TRAK2: variants seen among roughly 807,000 people sequenced by gnomAD.
TRAK2 encodes trafficking kinesin-binding protein 2.
TRAK2 carries 81 observed loss-of-function variants against 104.6 expected under a neutral mutation model. The ratio of observed to expected loss-of-function variants is 0.77; its 90% CI spans 0.65 to 0.93. The LOEUF is 0.93. TRAK2 is among the 40% of genes least tolerant of loss of function. The pLI is 0.00. For synonymous variants in TRAK2, 406 were observed against 394.4 expected, an observed-to-expected ratio of 1.03 and a Z score of -0.35; for missense variants, 1,002 against 1,089.0, an observed-to-expected ratio of 0.92 and a Z score of 1.12.
rs1376068659 is a variant in TRAK2, at chr2:201,447,115, T to C, written c.-200+4235A>G. On this transcript the variant is annotated intron_variant, in intron 1 of 15. Transcript: ENST00000332624. This position sits in a 1 kb window ranked among gnomAD's most constrained non-coding sequence, Gnocchi z 4.1. ...GTCTTATTACCTTTCATTTATCCTT[T>C]ACAAGTCTTAGTCTTTCTAAAATGC... Among the ~76,000 whole-genome samples, 1 of 152,250 alleles carries C rather than the reference T, an allele frequency of 6.6e-6. No homozygotes were observed. Among genetic ancestry groups the C allele is most frequent in the Admixed American group, 6.5e-5 (1 of 15,292 alleles).
At chr2:201,413,392 T>A in intron 2 of TRAK2, 1 of 579,118 alleles carries the variant, frequency 1.7e-6, no homozygotes. Flanking sequence ...CCCACCCCCC[T>A]AAACACAGGC....
intron 2 of TRAK2, among the ~76,000 whole-genome samples, chr2:201,413,800 T>C (rs1364536310): frequency 6.6e-6 from 1 of 152,164 alleles, no homozygotes; most frequent in Non-Finnish European, 1.5e-5. Flanking sequence ...TGACAACTTG[T>C]CCTAGAAAGC....
Position 201,377,879 on chromosome 2 carries a change from C to T in TRAK2, c.*2664G>A, listed in dbSNP as rs1411603025. On this transcript the variant is annotated 3_prime_UTR_variant, in exon 16 of 16. Transcript: ENST00000332624. ...TAATCACTGAAAACCTTCTTAAAGGCGAAAAAAAAAAAAGATTGAGGTTTC... is the reference window on the plus strand; with the variant it reads ...TAATCACTGAAAACCTTCTTAAAGGTGAAAAAAAAAAAAGATTGAGGTTTC... 9 of 139,878 alleles carry T rather than the reference C, an allele frequency of 6.4e-5. No homozygotes were observed. Among genetic ancestry groups the T allele is most frequent in the East Asian group, 2.0e-4 (1 of 4,986 alleles). The allele number at this position is 139,878 out of a possible 1,614,324, so 8.7% of individuals were successfully genotyped here.
At chr2:201,402,545 A>T (rs1300586134) in intron 3 of TRAK2, among the ~76,000 whole-genome samples, 1 of 152,180 alleles carries the variant, frequency 6.6e-6, no homozygotes, top group Non-Finnish European at 1.5e-5. Flanking sequence ...ATATTTACAA[A>T]TAGAGAAACT....
At chr2:201,402,049 A>T (rs1223187432) in intron 3 of TRAK2, among the ~76,000 whole-genome samples, 1 of 152,078 alleles carries the variant, frequency 6.6e-6, no homozygotes, top group Admixed American at 6.6e-5. Flanking sequence ...CCCTTCTGAG[A>T]TTCAGATAAT....
intron 2 of TRAK2, chr2:201,419,392 TAAAAAG>T (rs1218894611): frequency 6.5e-6 from 1 of 154,754 alleles, no homozygotes; most frequent in Admixed American, 6.5e-5. Context: ...AGCTTAGCAA[TAAAAAG>T]AAACAACTTC....
rs746693460 is a variant in TRAK2 at position 201,407,419 on chromosome 2, C to A, written c.270G>T (p.Glu90Asp). 6.2e-7 allele frequency: 1 copy of A among 1,613,486 alleles called. No individual in the cohort carries two copies. Among genetic ancestry groups the A allele is most frequent in the Non-Finnish European group, 8.5e-7 (1 of 1,179,756 alleles). The change falls in exon 3 of 16, where the codon GAG becomes GAT. Residue 90 changes from glutamate (E) to aspartate (D), a missense_variant. By Grantham distance (45) the Glu-to-Asp change is conservative (BLOSUM62 2). Transcript: ENST00000332624. ...SDALSPVLAE[E>D]TFRYMILGTD... ...AATACTCACTCATGTAACGGAAAGT[C>A]TCTTCAGCAAGGACTGGAGAGAGAG...
Position 201,389,376 on chromosome 2 carries a change from G to T in TRAK2, c.1321C>A (p.Pro441Thr), listed in dbSNP as rs368306993. Residue 441 changes from proline (P) to threonine (T), a missense_variant, in exon 12 of 16, where the codon CCT (proline) becomes ACT (threonine). Coordinates refer to ENST00000332624, the MANE Select transcript of TRAK2 (RefSeq NM_015049.3). ...GTTTGCTGAAGACCAGACTCAAAAG[G>T]TTTTGCTGTCATGATGACACTTGAA... The part of the protein sequence containing the change: ...NRSSVIMTAK[P>T]FESGLQQTED... The T allele has an allele frequency of 1.9e-6, 3 of 1,614,140 alleles. No homozygotes were observed. The South Asian group carries it at 3.3e-5, about 18-fold the overall frequency.
chr2:201,417,603 G>T (rs1224111832), intron 2 of TRAK2, among the ~76,000 whole-genome samples: 1 of 151,950 alleles, frequency 6.6e-6, no homozygotes, highest in Non-Finnish European at 1.5e-5. Context: ...TTTAATATAG[G>T]GTATTGTCAA....
intron 6 of TRAK2, 182 bp downstream of exon 6, chr2:201,397,961 ATC>A (rs199922947): frequency 0.63 from 380,629 of 608,964 alleles, 122,529 homozygotes; most frequent in South Asian, 0.69. Flanking sequence ...ACCTGCTACT[ATC>A]CACTTTTCAG....
Position 201,399,364 on chromosome 2 carries a change from A to G in TRAK2, c.480+13T>C. 3 of 1,569,022 alleles carry G rather than the reference A, an allele frequency of 1.9e-6. No homozygotes were observed. The highest frequency in any genetic ancestry group is 2.6e-6 in the Non-Finnish European group (3 of 1,141,998). On this transcript the variant is annotated intron_variant, in intron 5 of 15. Coordinates refer to ENST00000332624, the MANE Select transcript of TRAK2 (RefSeq NM_015049.3). ...AATTATTTCATACTGCAGACATTTG[A>G]TCAAAGGCTTACTTGATCAAAGGCT...
chr2:201,386,398 C>T lies in TRAK2; in HGVS notation c.1783G>A (p.Gly595Ser), dbSNP rs185662093. 3.1e-6 allele frequency: 5 copies of T among 1,614,162 alleles called. No homozygotes were observed. The highest frequency in any genetic ancestry group is 4.2e-6 in the Non-Finnish European group (5 of 1,180,020). ...LDPRPGVITK[G>S]FTQLPGDAIY... is the part of the protein sequence containing the mutation. Reference sequence around the variant, plus strand: ...GCATCCCCGGGCAACTGGGTAAAGCCTTTAGTAATGACACCTGGTCGTGGA... The same window carrying T: ...GCATCCCCGGGCAACTGGGTAAAGCTTTTAGTAATGACACCTGGTCGTGGA... The change falls in exon 14 of 16, where the codon GGC (glycine) becomes AGC (serine). Residue 595 changes from glycine (G) to serine (S), a missense_variant. Physicochemically the swap from Gly to Ser is moderately conservative, Grantham distance 56. Transcript: ENST00000332624.
intron 2 of TRAK2, chr2:201,412,386 A>G: frequency 1.5e-6 from 2 of 1,331,514 alleles, no homozygotes; most frequent in Non-Finnish European, 2.2e-6. Flanking sequence ...TTGGAGTTAC[A>G]TTTAACAGTA....
intron 1 of TRAK2, among the ~76,000 whole-genome samples, chr2:201,445,558 A>G (rs1951958302): frequency 6.6e-6 from 1 of 152,228 alleles, no homozygotes. Context: ...GTCGGGAGAG[A>G]GCTCTTTTCT....
intron 3 of TRAK2, among the ~76,000 whole-genome samples, chr2:201,404,698 A>G (rs539839489): frequency 6.6e-6 from 1 of 152,328 alleles, no homozygotes; most frequent in East Asian, 1.9e-4. Context: ...TAAAGTTTTT[A>G]CCACAACTAT....
At chr2:201,411,893 T>G in intron 2 of TRAK2, 1 of 1,031,506 alleles carries the variant, frequency 9.7e-7, no homozygotes, top group South Asian at 1.3e-5. Flanking sequence ...GTCTATAAGA[T>G]TTGCAAAGGT....
chr2:201,451,242 C>T (rs1313815933), intron 1 of TRAK2, 108 bp downstream of exon 1: 2 of 152,372 alleles, frequency 1.3e-5, no homozygotes, highest in Non-Finnish European at 2.9e-5. Context: ...GCTCCGACGT[C>T]CGCGCGTGAC....
chr2:201,394,580 A>T (rs1451483205), intron 9 of TRAK2, among the ~76,000 whole-genome samples: 1 of 152,084 alleles, frequency 6.6e-6, no homozygotes, highest in East Asian at 1.9e-4. Flanking sequence ...ACCTCAGGTG[A>T]TCCACCCACC....
At chr2:201,449,209 T>C (rs562263874) in intron 1 of TRAK2, among the ~76,000 whole-genome samples, 4 of 152,154 alleles carry the variant, frequency 2.6e-5, no homozygotes, top group Non-Finnish European at 5.9e-5. Context: ...ATGTCCAAGG[T>C]GTGTGTTGGA....
Sources: gnomAD v4.1 joint callset for allele counts (sites outside exome capture counted in the v4.1 genomes callset) on GRCh38, gnomAD v4.1.1 for gene constraint, Gnocchi (gnomAD v3.1) non-coding constraint, MANE v1.5 for transcripts, NCBI Gene and HGNC (gene_info 2026-07-23, HGNC 2026-07-21) for gene names.